OPRM1: variants seen among roughly 807,000 people sequenced by gnomAD.
OPRM1 encodes the protein mu-type opioid receptor.
OPRM1 carries 27 observed loss-of-function variants against 31.8 expected under a neutral mutation model. The ratio of observed to expected loss-of-function variants is 0.85; its 90% confidence interval spans 0.63 to 1.17. OPRM1 has a LOEUF of 1.17. Among genes scored for constraint, OPRM1 ranks in the 50% most tolerant of loss-of-function variants. The pLI, the probability that OPRM1 is intolerant of heterozygous loss-of-function variation, is 0.00. For missense variants in OPRM1, 536 were observed against 511.1 expected (o/e 1.05, Z -0.47); for synonymous variants, 196 against 189.9 (o/e 1.03, Z -0.26).
At chr6:154,069,030 T>C (rs974853852) in intron 1 of OPRM1, among the ~76,000 whole-genome samples, 1 of 152,212 alleles carries the variant, frequency 6.6e-6, no homozygotes. Flanking sequence ...GCAGGTCTTT[T>C]GCCCATTTGT....
intron 1 of OPRM1, among the ~76,000 whole-genome samples, chr6:154,044,685 C>T (rs1780757614): frequency 6.6e-6 from 1 of 152,124 alleles, no homozygotes; most frequent in African/African-American, 2.4e-5. Context: ...AGCATAATTT[C>T]TCTACTGCTA....
At chr6:154,019,221 TA>T (rs1778196247) in intron 1 of OPRM1, among the ~76,000 whole-genome samples, 1 of 151,742 alleles carries the variant, frequency 6.6e-6, no homozygotes, top group Non-Finnish European at 1.5e-5. Context: ...CATGCTTTTT[TA>T]AAAAATCATC....
chr6:154,207,688 G>C (rs1777618644), intron 3 of OPRM1, among the ~76,000 whole-genome samples: 1 of 151,982 alleles, frequency 6.6e-6, no homozygotes, highest in Admixed American at 6.6e-5. Flanking sequence ...CTCCTCTGTC[G>C]CTGGCCAAGG....
chr6:154,150,403 T>C (rs747188375), intron 3 of OPRM1, among the ~76,000 whole-genome samples: 1 of 152,262 alleles, frequency 6.6e-6, no homozygotes, highest in African/African-American at 2.4e-5. Context: ...ATTTGATGTA[T>C]AAGTGCCTTC....
rs185171227 is a variant in OPRM1 at position 154,017,600 on chromosome 6, G to A, written c.-1+6582G>A. 2.0e-3 allele frequency among the ~76,000 whole-genome samples: 309 copies of A among 152,184 alleles called. 4 individuals carry two copies. Among genetic ancestry groups the A allele is most frequent in the East Asian group, 2.7e-3 (14 of 5,178 alleles). The stretch of plus-strand genomic sequence containing the variant: ...AGGAAAGTACCCAATACACTGTCTG[G>A]CAGACAGTCAAGAAAATTTATTGTT... On this transcript the variant is annotated intron_variant, in intron 1 of 5. Transcript: ENST00000434900.
intron 3 of OPRM1, chr6:154,223,197 T>C: frequency 6.2e-7 from 1 of 1,613,890 alleles, no homozygotes; most frequent in Non-Finnish European, 8.5e-7. Flanking sequence ...AGATGCTCTT[T>C]CCACAGTGAA....
At chr6:154,091,931 A>G in intron 3 of OPRM1, 1 of 986,982 alleles carries the variant, frequency 1.0e-6, no homozygotes, top group Non-Finnish European at 1.2e-6. Context: ...TCATGGATGC[A>G]AGATATTCAC....
Position 154,116,815 on chromosome 6 carries a change from G to T in OPRM1, c.1165-1868G>T, listed in dbSNP as rs557250158. On this transcript the variant is annotated intron_variant, in intron 3 of 3. Coordinates refer to ENST00000330432, the MANE Select transcript of OPRM1 (RefSeq NM_000914.5). ...ACTCCTTCATTACACCAATGCAGCA[G>T]CCAAGTGTCGAACAGCCCCTCTGTC... 7.8e-4 allele frequency among the ~76,000 whole-genome samples: 118 copies of T among 152,208 alleles called. 1 individual carries two copies. Among genetic ancestry groups the T allele is most frequent in the African/African-American group, 2.8e-3 (117 of 41,528 alleles).
chr6:154,034,449 G>A (rs1227700558), upstream of OPRM1, among the ~76,000 whole-genome samples: 3 of 152,210 alleles, frequency 2.0e-5, no homozygotes, highest in African/African-American at 7.2e-5. Context: ...TCAGGAGTCT[G>A]AGGCGGGAGA....
rs1224474885 is a variant in OPRM1 at position 154,126,823 on chromosome 6, A to C, written c.*8102A>C. The stretch of plus-strand genomic sequence containing the variant: ...GACTTCTTACTTTCCCCAAATAAAA[A>C]AGTGCCTGCTGGGCGCGGTGGCTCA... On this transcript the variant is annotated 3_prime_UTR_variant, in exon 4 of 4. Coordinates refer to ENST00000330432, the MANE Select transcript of OPRM1 (RefSeq NM_000914.5). Among the ~76,000 whole-genome samples, 2 of 152,154 alleles carry C rather than the reference A, an allele frequency of 1.3e-5. No individual in the cohort carries two copies. The highest frequency in any genetic ancestry group is 1.3e-4 in the Admixed American group (2 of 15,270).
At position 154,066,285 on chromosome 6, in the gene OPRM1, A is replaced by G. The variant is rs527494989; in HGVS notation, c.291-23541A>G. 2.0e-5 allele frequency among the ~76,000 whole-genome samples: 3 copies of G among 152,198 alleles called. No individual in the cohort carries two copies. The South Asian group carries it at 6.2e-4, about 32-fold the overall frequency. On this transcript the variant is annotated intron_variant, in intron 1 of 3. Transcript: ENST00000330432. ...TGTTAGGGTAATGCTGGCCTTATAG[A>G]TTTAATTAGGAAGTGCTCTCTCCTC...
At chr6:154,059,015 T>G (rs7748401) in intron 1 of OPRM1, among the ~76,000 whole-genome samples, 10,056 of 152,250 alleles carry the variant, frequency 0.066, 468 homozygotes, top group African/African-American at 0.13. Context: ...TTCAATTGCA[T>G]CAAGGAGAGG....
At chr6:154,042,801 G>T (rs1780343289) in intron 1 of OPRM1, among the ~76,000 whole-genome samples, 1 of 152,128 alleles carries the variant, frequency 6.6e-6, no homozygotes, top group African/African-American at 2.4e-5. Flanking sequence ...TGGTTTTAAA[G>T]AAAAATAATG....
intron 1 of OPRM1, among the ~76,000 whole-genome samples, chr6:154,049,124 C>A (rs1325009023): frequency 6.6e-6 from 1 of 152,106 alleles, no homozygotes; most frequent in Non-Finnish European, 1.5e-5. Context: ...TAACGTTGAA[C>A]TCATGGTTAA....
At chr6:154,148,476 C>G (rs979018534) in intron 3 of OPRM1, among the ~76,000 whole-genome samples, 3 of 152,236 alleles carry the variant, frequency 2.0e-5, no homozygotes, top group African/African-American at 7.2e-5. Context: ...GCCCCTCCAT[C>G]TCTGCCACCA....
In OPRM1 at chr6:154,170,620, G is replaced by A. The variant is rs989314527; in HGVS notation, c.1165-76073G>A. On this transcript the variant is annotated intron_variant, in intron 3 of 3. Transcript: ENST00000337049. ...GAAAATACTCAAAACTACATCTGAA[G>A]ACAATTAGACTTTTGGCTCACACCG... 5.3e-5 allele frequency among the ~76,000 whole-genome samples: 8 copies of A among 152,174 alleles called. 1 individual carries two copies. Among genetic ancestry groups the A allele is most frequent in the Non-Finnish European group, 1.2e-4 (8 of 68,030 alleles).
intron 3 of OPRM1, among the ~76,000 whole-genome samples, chr6:154,097,997 A>T (rs539542867): frequency 6.6e-6 from 1 of 152,308 alleles, no homozygotes; most frequent in African/African-American, 2.4e-5. Flanking sequence ...TGGGAGGCCA[A>T]GGCAGGAGGA....
intron 3 of OPRM1, among the ~76,000 whole-genome samples, chr6:154,100,033 T>TGATATA (rs1302914209): frequency 7.0e-4 from 55 of 78,262 alleles, no homozygotes; most frequent in Non-Finnish European, 1.2e-3. Context: ...ATATTATATA[T>TGATATA]TATCATATGA....
intron 1 of OPRM1, among the ~76,000 whole-genome samples, chr6:154,030,792 A>G (rs1412314433): frequency 6.6e-6 from 1 of 152,168 alleles, no homozygotes; most frequent in Non-Finnish European, 1.5e-5. Context: ...AATTTTGGCA[A>G]TCTCTTCACT....
Sources: allele counts gnomAD v4.1 joint callset (sites outside exome capture counted in the v4.1 genomes callset), GRCh38; gene constraint gnomAD v4.1.1; transcripts MANE v1.5; gene names NCBI Gene and HGNC (gene_info 2026-07-23, HGNC 2026-07-21).